ARHGAP6: variants seen among roughly 807,000 people sequenced by gnomAD.
The protein encoded by ARHGAP6 is Rho GTPase activating protein 6, also known as rho GTPase-activating protein 6.
Under a neutral mutation model 55.7 loss-of-function variants are expected in ARHGAP6, and 16 were observed. That is an observed-to-expected ratio of 0.29 (90% CI 0.19 to 0.44). ARHGAP6 has a LOEUF of 0.44. Ranked by LOEUF, ARHGAP6 falls within the 20% of genes least tolerant of loss-of-function variation. The pLI is 1.00. For synonymous variants in ARHGAP6, 382 were observed against 360.9 expected (o/e 1.06, Z -0.66); for missense variants, 698 against 808.9 (o/e 0.86, Z 1.66).
Position 11,634,076 on chromosome X carries a change from AT to A in ARHGAP6, c.588+30164del, listed in dbSNP as rs35973352. Among the ~76,000 whole-genome samples the A allele has an allele frequency of 8.6e-3, 779 of 90,670 alleles. 9 individuals are homozygous for A. The highest frequency in any genetic ancestry group is 0.03 in the East Asian group (89 of 2,937). 78.7% of individuals were successfully genotyped at this position (90,670 alleles called of 115,157 possible). A position where few individuals can be genotyped will look rare whatever the true frequency, so the allele number is the denominator to read the frequency against. ...AGTGGTTTAAGCCATGTGCTTGGCT[AT>A]TTTTTTTTTTTTTTTTGAGACAGGG... On this transcript the variant is annotated intron_variant, in intron 1 of 12. Coordinates refer to ENST00000337414, the MANE Select transcript of ARHGAP6 (RefSeq NM_013427.3).
At chrX:11,606,540 A>T (rs909887014) in intron 1 of ARHGAP6, among the ~76,000 whole-genome samples, 1 of 111,526 alleles carries the variant, frequency 9.0e-6, no homozygotes, top group Non-Finnish European at 1.9e-5. Context: ...GTGAGAGTGA[A>T]TGAATAGATC....
intron 1 of ARHGAP6, among the ~76,000 whole-genome samples, chrX:11,381,240 C>A (rs1438648333): frequency 8.9e-6 from 1 of 112,344 alleles, no homozygotes; most frequent in African/African-American, 3.2e-5. Context: ...CTACTTAGTT[C>A]AAGTGTGTGC....
At chrX:11,147,328 A>C (rs5934964) in intron 10 of ARHGAP6, among the ~76,000 whole-genome samples, 27,234 of 112,064 alleles carry the variant, frequency 0.24, 2,734 homozygotes, top group African/African-American at 0.37. Context: ...TATACACATA[A>C]ATGCAACTAT....
intron 2 of ARHGAP6, among the ~76,000 whole-genome samples, chrX:11,210,691 C>T (rs1218799134): frequency 8.9e-6 from 1 of 111,824 alleles, no homozygotes; most frequent in African/African-American, 3.2e-5. Context: ...TTCCACAAAC[C>T]GAAGATGGGT....
chrX:11,332,460 CA>C (rs1373253555), intron 1 of ARHGAP6, among the ~76,000 whole-genome samples: 1 of 111,907 alleles, frequency 8.9e-6, no homozygotes, highest in Non-Finnish European at 1.9e-5. Context: ...GTACAGACAG[CA>C]GAAAGTCATG....
At chrX:11,443,082 C>T (rs916547643) in intron 1 of ARHGAP6, among the ~76,000 whole-genome samples, 5 of 111,871 alleles carry the variant, frequency 4.5e-5, no homozygotes, top group Non-Finnish European at 9.4e-5. Context: ...CATGAAGAGT[C>T]CTCTCCTGAT....
intron 1 of ARHGAP6, among the ~76,000 whole-genome samples, chrX:11,592,551 G>T (rs973772703): frequency 9.1e-6 from 1 of 109,832 alleles, no homozygotes; most frequent in Non-Finnish European, 1.9e-5. Context: ...GTATATTGCT[G>T]GTATATAATA....
chrX:11,233,014 G>C (rs2047154982), intron 2 of ARHGAP6, among the ~76,000 whole-genome samples: 1 of 112,465 alleles, frequency 8.9e-6, no homozygotes, highest in African/African-American at 3.2e-5. Flanking sequence ...ATGGTCATTT[G>C]AAAGAGTAAA....
intron 1 of ARHGAP6, among the ~76,000 whole-genome samples, chrX:11,662,459 T>TG (rs1201390884): frequency 2.7e-5 from 3 of 112,153 alleles, no homozygotes; most frequent in Non-Finnish European, 3.8e-5. Flanking sequence ...TCTGGCTTTT[T>TG]GCTAGATGGC....
At chrX:11,535,625 TC>T (rs1014881992) in intron 1 of ARHGAP6, among the ~76,000 whole-genome samples, 1 of 111,367 alleles carries the variant, frequency 9.0e-6, no homozygotes, top group African/African-American at 3.3e-5. Context: ...CCATATTTTT[TC>T]CCCATATTCC....
chrX:11,390,970 A>G (rs1603167453), intron 1 of ARHGAP6, among the ~76,000 whole-genome samples: 1 of 112,176 alleles, frequency 8.9e-6, no homozygotes, highest in African/African-American at 3.2e-5. Context: ...CTGGGTATAT[A>G]CCCAAAGGAT....
intron 1 of ARHGAP6, among the ~76,000 whole-genome samples, chrX:11,512,059 C>A (rs1251325669): frequency 9.0e-6 from 1 of 111,205 alleles, no homozygotes; most frequent in Non-Finnish European, 1.9e-5. Flanking sequence ...ATCTCCTGAC[C>A]TTGTGATCTG....
At chrX:11,202,397 T>C (rs144904790) in intron 2 of ARHGAP6, among the ~76,000 whole-genome samples, 118 of 110,955 alleles carry the variant, frequency 1.1e-3, no homozygotes, top group Non-Finnish European at 1.6e-3. Flanking sequence ...GACCCTGGTG[T>C]GATAAATTAG....
At position 11,169,771 on chromosome X, in the gene ARHGAP6, T is replaced by C. The variant is rs773286600; in HGVS notation, c.1630-87A>G. 3.5e-4 allele frequency: 254 copies of C among 727,118 alleles called. 2 individuals carry two copies. In the African/African-American group the frequency reaches 5.2e-3, roughly 15 times the overall value. 59.9% of individuals were successfully genotyped at this position (727,118 alleles called of 1,213,427 possible). ...CAACAATCAATGAAACCTTTTACTC[T>C]CCTTTTTTTTTTTTAATCCTGCAAG... On this transcript the variant is annotated intron_variant, in intron 8 of 12. Coordinates refer to ENST00000337414, the MANE Select transcript of ARHGAP6 (RefSeq NM_013427.3).
intron 1 of ARHGAP6, among the ~76,000 whole-genome samples, chrX:11,473,731 C>T (rs932505611): frequency 9.0e-6 from 1 of 111,566 alleles, no homozygotes; most frequent in African/African-American, 3.3e-5. Flanking sequence ...TTTAAAACAC[C>T]CAGTTTGTAG....
At position 11,182,167 on chromosome X, in the gene ARHGAP6, C is replaced by T. The variant is rs72558041; in HGVS notation, c.1274-49G>A. On this transcript the variant is annotated intron_variant, in intron 5 of 12. Coordinates refer to ENST00000337414, the MANE Select transcript of ARHGAP6 (RefSeq NM_013427.3). ...ACAGTCTTGTTTCATGGCTTGAGAC[C>T]CTGGAGGAAATCAAAATACAGAGCA... is the stretch of plus-strand genomic sequence containing the variant. 348 of 1,089,813 alleles carry T rather than the reference C, an allele frequency of 3.2e-4. No individual in the cohort carries two copies. In the African/African-American group the frequency reaches 3.9e-3, roughly 12 times the overall value. The allele number at this position is 1,089,813 out of a possible 1,213,427, so 89.8% of individuals were successfully genotyped here. A position where few individuals can be genotyped will look rare whatever the true frequency, so the allele number is the denominator to read the frequency against.
intron 9 of ARHGAP6, among the ~76,000 whole-genome samples, chrX:11,158,110 T>A (rs764595607): frequency 1.1e-4 from 12 of 112,023 alleles, no homozygotes; most frequent in African/African-American, 3.9e-4. Flanking sequence ...ATAATAGTTA[T>A]ACCCCACGTT....
chrX:11,459,271 A>G (rs1261822977), intron 1 of ARHGAP6, among the ~76,000 whole-genome samples: 3 of 111,776 alleles, frequency 2.7e-5, no homozygotes, highest in Admixed American at 9.6e-5. Context: ...TCTTCGAGAT[A>G]TGACTATCTT....
intron 1 of ARHGAP6, among the ~76,000 whole-genome samples, chrX:11,320,611 T>C (rs759342774): frequency 3.4e-4 from 38 of 111,238 alleles, no homozygotes; most frequent in African/African-American, 1.1e-3. Context: ...TGAATTTTAC[T>C]ACTGAAATGA....
Sources: allele counts gnomAD v4.1 joint callset (sites outside exome capture counted in the v4.1 genomes callset), GRCh38; gene constraint gnomAD v4.1.1; transcripts MANE v1.5; gene names NCBI Gene and HGNC (gene_info 2026-07-23, HGNC 2026-07-21).